The following PIEZO2 variants were observed in gnomAD, a reference collection of about 807,000 sequenced individuals.
PIEZO2 encodes the protein piezo type mechanosensitive ion channel component 2, also known as piezo-type mechanosensitive ion channel component 2.
Under a neutral mutation model 337.3 loss-of-function variants are expected in PIEZO2, and 172 were observed. The observed-to-expected ratio is 0.51, with a 90% CI of 0.45 to 0.58. The LOEUF (loss-of-function observed/expected upper bound fraction) is 0.58. PIEZO2 is among the 20% of genes least tolerant of loss of function. PIEZO2 has a pLI of 0.00. For synonymous variants in PIEZO2, 1,251 were observed against 1,228.5 expected, an observed-to-expected ratio of 1.02 and a Z score of -0.38; for missense variants, 3,028 against 3,391.3, an observed-to-expected ratio of 0.89 and a Z score of 2.66.
Position 10,677,829 on chromosome 18 carries a change from A to T in PIEZO2, c.7999T>A (p.Ser2667Thr), listed in dbSNP as rs1334879715. Residue 2667 changes from serine to threonine, a missense_variant, in exon 53 of 56, where the codon TCT (serine) becomes ACT (threonine). Ser to Thr is a moderately conservative substitution (Grantham distance 58). This residue lies in a region of PIEZO2 where 332 missense variants were observed against 363.8 expected (regional missense o/e 0.91). Coordinates refer to ENST00000674853, the MANE Select transcript of PIEZO2 (RefSeq NM_001378183.1). This position sits in a 1 kb window ranked among gnomAD's most constrained non-coding sequence, Gnocchi z 4.1. ...CGAGTAATATTTTTAAGAGGAAAAG[A>T]AAGCTTATCTGTTGCTATTTCCGAT... ...AKSEIATDKL[S>T]FPLKNITRKN... 1 of 1,609,404 alleles carries T rather than the reference A, an allele frequency of 6.2e-7. No homozygotes were observed. Among genetic ancestry groups the T allele is most frequent in the Admixed American group, 1.7e-5 (1 of 59,162 alleles).
At chr18:11,107,178 G>T (rs187468736) in intron 1 of PIEZO2, among the ~76,000 whole-genome samples, 5 of 151,990 alleles carry the variant, frequency 3.3e-5, no homozygotes, top group Non-Finnish European at 7.4e-5. Context: ...GGTGCACATC[G>T]ATATTATCCC....
rs925151489 is a variant in PIEZO2 at position 11,028,068 on chromosome 18, C to T, written c.160+38059G>A. On this transcript the variant is annotated intron_variant, in intron 2 of 55. Coordinates refer to ENST00000674853, the MANE Select transcript of PIEZO2 (RefSeq NM_001378183.1). This position sits in a 1 kb window ranked among gnomAD's most constrained non-coding sequence, Gnocchi z 4.8. Reference sequence around the variant, plus strand: ...CCAAGCACCGTCACAGAGGGACAAGCAGTAGCTGCTTCTGTTGCTAGATCT... The same window carrying T: ...CCAAGCACCGTCACAGAGGGACAAGTAGTAGCTGCTTCTGTTGCTAGATCT... Among the ~76,000 whole-genome samples, 3 of 152,182 alleles carry T rather than the reference C, an allele frequency of 2.0e-5. No homozygotes were observed. Among genetic ancestry groups the T allele is most frequent in the African/African-American group, 7.2e-5 (3 of 41,444 alleles).
chr18:11,053,419 A>G (rs1203403919), intron 2 of PIEZO2, among the ~76,000 whole-genome samples: 2 of 152,218 alleles, frequency 1.3e-5, no homozygotes, highest in Non-Finnish European at 2.9e-5. Context: ...ATTCAAATTA[A>G]TAATGCTGTG....
chr18:11,002,954 A>G lies in PIEZO2; in HGVS notation c.161-23294T>C, dbSNP rs1295040779. Among the ~76,000 whole-genome samples, 1 of 152,228 alleles carries G rather than the reference A, an allele frequency of 6.6e-6. No homozygotes were observed. The highest frequency in any genetic ancestry group is 1.5e-5 in the Non-Finnish European group (1 of 68,044). ...TAGAATCAGTTGATTAACCAGTGCC[A>G]CTCAAACAGAGGAAGTGAGGCAAGA... On this transcript the variant is annotated intron_variant, in intron 2 of 55. Coordinates refer to ENST00000674853, the MANE Select transcript of PIEZO2 (RefSeq NM_001378183.1). The surrounding 1 kb of genome is among the most constrained non-coding windows in gnomAD (Gnocchi z 4.3).
chr18:11,014,171 C>A (rs530503066), intron 2 of PIEZO2, among the ~76,000 whole-genome samples: 23 of 152,270 alleles, frequency 1.5e-4, no homozygotes, highest in Admixed American at 5.2e-4. Flanking sequence ...CCCCCTCATT[C>A]CTTAGTGGCG....
intron 1 of PIEZO2, among the ~76,000 whole-genome samples, chr18:11,117,600 A>G (rs1334262017): frequency 1.3e-5 from 2 of 152,238 alleles, no homozygotes; most frequent in African/African-American, 2.4e-5. Context: ...CATCACCTAC[A>G]TCAGTAAATC....
Position 11,021,653 on chromosome 18 carries a change from C to T in PIEZO2, c.161-41993G>A, listed in dbSNP as rs549499985. Among the ~76,000 whole-genome samples the T allele has an allele frequency of 3.9e-5, 6 of 152,342 alleles. No individual in the cohort carries two copies. Among genetic ancestry groups the T allele is most frequent in the African/African-American group, 1.4e-4 (6 of 41,572 alleles). ...GTCTCACGGATCTGGTGATCCAGCA[C>T]ACAGCTCGTGCTGTAACTGCACTGA... is the stretch of plus-strand genomic sequence containing the variant. On this transcript the variant is annotated intron_variant, in intron 2 of 55. Transcript: ENST00000674853. The surrounding 1 kb of genome is among the most constrained non-coding windows in gnomAD (Gnocchi z 4.7).
intron 2 of PIEZO2, among the ~76,000 whole-genome samples, chr18:11,036,876 C>T (rs1375091762): frequency 6.6e-6 from 1 of 152,112 alleles, no homozygotes; most frequent in Non-Finnish European, 1.5e-5. Context: ...TGTTAAAATC[C>T]CGTAATTATA....
chr18:10,763,146 TAACA>T lies in PIEZO2; in HGVS notation c.2947-52_2947-49del, dbSNP rs1242993121. 8 of 1,507,474 alleles carry T rather than the reference TAACA, an allele frequency of 5.3e-6. No homozygotes were observed. The Admixed American group carries it at 1.4e-4, about 26-fold the overall frequency. The allele number at this position is 1,507,474 out of a possible 1,614,324, so 93.4% of individuals were successfully genotyped here. ...GGGGACAAAAATACGTAACACGGCA[TAACA>T]AACAGGACAGCCACAAAACAGGATG... On this transcript the variant is annotated intron_variant, in intron 21 of 55. Coordinates refer to ENST00000674853, the MANE Select transcript of PIEZO2 (RefSeq NM_001378183.1).
At chr18:10,740,900 A>G (rs1310217180) in intron 33 of PIEZO2, 131 bp downstream of exon 33, 1 of 964,058 alleles carries the variant, frequency 1.0e-6, no homozygotes, top group African/African-American at 1.6e-5. Flanking sequence ...ATTTTCCTAC[A>G]CTCCGACCCC....
In PIEZO2 at chr18:10,781,444, T is replaced by C. The variant is rs2038978392; in HGVS notation, c.2493-1078A>G. The stretch of plus-strand genomic sequence containing the variant: ...GAGATGGCACCACTGCACTCCAGCT[T>C]GGGCAACAGAGCGAGACTCCGTTTC... On this transcript the variant is annotated intron_variant, in intron 17 of 55. Transcript: ENST00000674853. The surrounding 1 kb of genome is among the most constrained non-coding windows in gnomAD (Gnocchi z 4.1). 6.6e-6 allele frequency among the ~76,000 whole-genome samples: 1 copy of C among 150,858 alleles called. No individual in the cohort carries two copies. The highest frequency in any genetic ancestry group is 6.6e-5 in the Admixed American group (1 of 15,062).
intron 31 of PIEZO2, among the ~76,000 whole-genome samples, 164 bp from the exon 32 acceptor site, chr18:10,742,779 C>T (rs2037274751): frequency 6.9e-6 from 1 of 145,360 alleles, no homozygotes; most frequent in Non-Finnish European, 1.5e-5. Context: ...CAAGGATCTC[C>T]TTTCTTTTAT....
chr18:10,874,049 A>G (rs953964046), intron 4 of PIEZO2, among the ~76,000 whole-genome samples: 1 of 152,214 alleles, frequency 6.6e-6, no homozygotes, highest in Non-Finnish European at 1.5e-5. Context: ...ATAATTGGAA[A>G]AAATATTTGC....
At chr18:10,818,700 G>C (rs1470075140) in intron 7 of PIEZO2, among the ~76,000 whole-genome samples, 1 of 152,114 alleles carries the variant, frequency 6.6e-6, no homozygotes, top group African/African-American at 2.4e-5. Context: ...ATATGAGTTT[G>C]GAATTTTCAT....
rs1429620638 is a variant in PIEZO2, at chr18:11,129,361, G to T, written c.64+19164C>A. Among the ~76,000 whole-genome samples, 1 of 152,150 alleles carries T rather than the reference G, an allele frequency of 6.6e-6. No homozygotes were observed. Among genetic ancestry groups the T allele is most frequent in the African/African-American group, 2.4e-5 (1 of 41,472 alleles). Reference sequence around the variant, plus strand: ...GTAGGCGTAGCTACCATAATGGACAGCAGAGGCAAAGCGGCAATCAGAATA... The same window carrying T: ...GTAGGCGTAGCTACCATAATGGACATCAGAGGCAAAGCGGCAATCAGAATA... On this transcript the variant is annotated intron_variant, in intron 1 of 55. Transcript: ENST00000674853. The surrounding 1 kb of genome is among the most constrained non-coding windows in gnomAD (Gnocchi z 4.6).
chr18:10,876,090 T>G (rs1017777681), intron 4 of PIEZO2, among the ~76,000 whole-genome samples: 1 of 152,266 alleles, frequency 6.6e-6, no homozygotes, highest in Non-Finnish European at 1.5e-5. Flanking sequence ...GGTCATAGTC[T>G]GACTGATATG....
intron 2 of PIEZO2, among the ~76,000 whole-genome samples, chr18:11,013,510 A>G (rs1296514591): frequency 6.6e-6 from 1 of 152,250 alleles, no homozygotes; most frequent in African/African-American, 2.4e-5. Context: ...ATAAAGATTT[A>G]TCAACACTTG....
rs965532769 is a variant in PIEZO2, at chr18:10,846,264, G to A, written c.917+9089C>T. 2.6e-5 allele frequency among the ~76,000 whole-genome samples: 4 copies of A among 152,306 alleles called. No homozygotes were observed. The highest frequency in any genetic ancestry group is 1.9e-4 in the East Asian group (1 of 5,190). On this transcript the variant is annotated intron_variant, in intron 7 of 55. Coordinates refer to ENST00000674853, the MANE Select transcript of PIEZO2 (RefSeq NM_001378183.1). The surrounding 1 kb of genome is among the most constrained non-coding windows in gnomAD (Gnocchi z 4.1). Reference sequence around the variant, plus strand: ...TTACACAGATGGCAGCAGGCAAAGAGAGAGCTCATGCAGGCAAACTCCCGT... The same window carrying A: ...TTACACAGATGGCAGCAGGCAAAGAAAGAGCTCATGCAGGCAAACTCCCGT...
At chr18:10,883,575 A>T (rs2049827232) in intron 4 of PIEZO2, among the ~76,000 whole-genome samples, 1 of 152,244 alleles carries the variant, frequency 6.6e-6, no homozygotes, top group Admixed American at 6.5e-5. Flanking sequence ...GAGTCAACAC[A>T]GACATCATCT....
Sources: gnomAD v4.1 joint callset for allele counts (sites outside exome capture counted in the v4.1 genomes callset) on GRCh38, gnomAD v4.1.1 for gene constraint, gnomAD v4.1.1 regional missense constraint, Gnocchi (gnomAD v3.1) non-coding constraint, MANE v1.5 for transcripts, NCBI Gene and HGNC (gene_info 2026-07-23, HGNC 2026-07-21) for gene names.